CCDC197: variants seen among roughly 807,000 people sequenced by gnomAD.
CCDC197 encodes coiled-coil domain containing 197, also known as uncharacterized protein CCDC197.
A neutral mutation model predicts 13.4 loss-of-function variants in CCDC197; 24 were observed. That is an observed-to-expected ratio of 1.80 (90% CI 1.30 to 2.53). CCDC197 has a LOEUF of 2.53. CCDC197 is among the 30% of genes most tolerant of loss of function. CCDC197 has a pLI of 0.00. For synonymous variants in CCDC197, 99 were observed against 55.5 expected (o/e 1.78, Z -3.48); for missense variants, 255 against 148.8 (o/e 1.71, Z -3.71).
intron 1 of CCDC197, among the ~76,000 whole-genome samples, chr14:93,990,592 G>T (rs1316927526): frequency 2.0e-5 from 3 of 152,206 alleles, no homozygotes; most frequent in Non-Finnish European, 2.9e-5. Context: ...ACTGCCCAAG[G>T]TCAGGTAGTC....
chr14:94,006,356 AT>A (rs34620720), intron 6 of CCDC197, among the ~76,000 whole-genome samples: 35,147 of 142,388 alleles, frequency 0.25, 4,042 homozygotes, highest in East Asian at 0.4. Context: ...GATTATTTGT[AT>A]TTTTTTTTTT....
At chr14:94,004,606 T>C (rs893218439) in intron 5 of CCDC197, among the ~76,000 whole-genome samples, 1 of 152,106 alleles carries the variant, frequency 6.6e-6, no homozygotes, top group African/African-American at 2.4e-5. Flanking sequence ...CCCCGATGCC[T>C]CCAGCCAGGA....
At chr14:94,008,239 G>A (rs1456204574) in intron 6 of CCDC197, among the ~76,000 whole-genome samples, 1 of 152,230 alleles carries the variant, frequency 6.6e-6, no homozygotes, top group Non-Finnish European at 1.5e-5. Flanking sequence ...TAGGCAACAG[G>A]AGATGGAGGC....
intron 1 of CCDC197, among the ~76,000 whole-genome samples, chr14:93,990,848 G>A (rs1325289485): frequency 6.6e-6 from 1 of 152,192 alleles, no homozygotes; most frequent in Non-Finnish European, 1.5e-5. Flanking sequence ...CACTTTCTTT[G>A]GGCTAGATGC....
upstream of CCDC197, among the ~76,000 whole-genome samples, chr14:93,994,080 G>A (rs1890247552): frequency 6.6e-6 from 1 of 152,162 alleles, no homozygotes. Context: ...CGGTGAAGAG[G>A]GGTCTGAGGC....
In CCDC197 at chr14:93,998,169, G is replaced by A; in HGVS notation, c.38G>A (p.Ser13Asn). Residue 13 changes from serine to asparagine, a missense_variant, in exon 2 of 7, where the codon AGC becomes AAC. Coordinates refer to ENST00000636493, the MANE Select transcript of CCDC197 (RefSeq NM_001351596.2). ...AMDTGQRADP[S>N]NPGDKEGDLQ... Reference sequence around the variant, plus strand: ...GACACAGGCCAGAGAGCTGACCCAAGCAATCCTGGTGACAAGGAAGGGGAC... The same window carrying A: ...GACACAGGCCAGAGAGCTGACCCAAACAATCCTGGTGACAAGGAAGGGGAC... The A allele has an allele frequency of 1.3e-6, 1 of 780,814 alleles. No individual in the cohort carries two copies. The highest frequency in any genetic ancestry group is 1.3e-5 in the South Asian group (1 of 74,622). The allele number at this position is 780,814 out of a possible 1,614,324, so 48.4% of individuals were successfully genotyped here. A position where few individuals can be genotyped will look rare whatever the true frequency, so the allele number is the denominator to read the frequency against.
rs183869489 is a variant in CCDC197, at chr14:94,008,483, T to C, written c.616-126T>C. ...TTTACCCAGTGGCATTGATACCACA[T>C]CCTTTGCAGGGCGCTTGTGAGAGTT... On this transcript the variant is annotated intron_variant, in intron 6 of 6. Transcript: ENST00000636493. The C allele has an allele frequency of 2.9e-3, 1,845 of 628,844 alleles. 12 individuals are homozygous for C. The highest frequency in any genetic ancestry group is 2.2e-3 in the Non-Finnish European group (751 of 343,992). 39.0% of individuals were successfully genotyped at this position (628,844 alleles called of 1,614,324 possible). A position where few individuals can be genotyped will look rare whatever the true frequency, so the allele number is the denominator to read the frequency against.
chr14:93,998,817 T>C (rs1890400818), intron 2 of CCDC197, among the ~76,000 whole-genome samples: 1 of 152,162 alleles, frequency 6.6e-6, no homozygotes, highest in African/African-American at 2.4e-5. Context: ...CCTGCACTTT[T>C]CAGAATCATA....
At chr14:93,998,854 A>G (rs1890402266) in intron 2 of CCDC197, among the ~76,000 whole-genome samples, 1 of 152,180 alleles carries the variant, frequency 6.6e-6, no homozygotes, top group Admixed American at 6.5e-5. Context: ...GGCCCAGAGA[A>G]GCAGAGGGGC....
upstream of CCDC197, among the ~76,000 whole-genome samples, chr14:93,992,637 A>G (rs1262647819): frequency 6.6e-6 from 1 of 152,222 alleles, no homozygotes; most frequent in Non-Finnish European, 1.5e-5. Context: ...GCAGGATGTC[A>G]GTGTCATAGA....
chr14:93,999,472 G>A, intron 2 of CCDC197, 111 bp from the exon 3 acceptor site: 2 of 712,662 alleles, frequency 2.8e-6, no homozygotes, highest in Admixed American at 2.0e-5. Flanking sequence ...TACGTGGCCG[G>A]CCCAGTGCAC....
Position 93,998,098 on chromosome 14 carries a change from C to T in CCDC197, c.-34C>T, listed in dbSNP as rs375055269. 84 of 780,126 alleles carry T rather than the reference C, an allele frequency of 1.1e-4. No individual in the cohort carries two copies. In the Middle Eastern group the frequency reaches 1.6e-3, roughly 15 times the overall value. The allele number at this position is 780,126 out of a possible 1,614,324, so 48.3% of individuals were successfully genotyped here. On this transcript the variant is annotated 5_prime_UTR_variant, in exon 2 of 7. Transcript: ENST00000636493. ...TTCATCCTGCCTGACTCACGGGTCTCCTGTCCTCCTGCATAGCTTGCGGTG... is the reference window on the plus strand; with the variant it reads ...TTCATCCTGCCTGACTCACGGGTCTTCTGTCCTCCTGCATAGCTTGCGGTG...
chr14:93,996,365 G>A (rs1890304927), upstream of CCDC197, among the ~76,000 whole-genome samples: 1 of 152,194 alleles, frequency 6.6e-6, no homozygotes, highest in Non-Finnish European at 1.5e-5. Context: ...CTGCCTGCTG[G>A]TAAGGGGTTG....
intron 6 of CCDC197, among the ~76,000 whole-genome samples, chr14:94,006,425 G>A (rs184425532): frequency 9.3e-4 from 140 of 151,128 alleles, no homozygotes; most frequent in African/African-American, 3.0e-3. Flanking sequence ...CTTCTCGCTC[G>A]GCTCACTGCA....
chr14:94,001,356 G>A (rs917389935), intron 4 of CCDC197, 33 bp downstream of exon 4: 1 of 717,006 alleles, frequency 1.4e-6, no homozygotes, highest in Admixed American at 1.9e-5. Context: ...TCCATTCCCC[G>A]TGGCCCAGGG....
chr14:94,004,764 C>T (rs74739355), intron 5 of CCDC197, 91 bp from the exon 6 acceptor site: 7,020 of 665,676 alleles, frequency 0.011, 327 homozygotes, highest in African/African-American at 0.1. Context: ...GCTCTGTCCA[C>T]GACACTTCGC....
intron 1 of CCDC197, among the ~76,000 whole-genome samples, chr14:93,991,683 A>G (rs1020441627): frequency 6.6e-6 from 1 of 152,206 alleles, no homozygotes; most frequent in African/African-American, 2.4e-5. Flanking sequence ...AGAGCCACAC[A>G]GGGGTGAGGT....
chr14:93,996,452 C>A (rs925988131), upstream of CCDC197, among the ~76,000 whole-genome samples: 15 of 149,304 alleles, frequency 1.0e-4, no homozygotes, highest in Non-Finnish European at 1.3e-4. Context: ...AGCCTTTGAT[C>A]CAGATCTTGC....
Position 94,001,368 on chromosome 14 carries a change from G to T in CCDC197, c.366+45G>T, listed in dbSNP as rs1890501310. 4.3e-6 allele frequency: 3 copies of T among 696,462 alleles called. No homozygotes were observed. In the East Asian group the frequency reaches 7.8e-5, roughly 18 times the overall value. 43.1% of individuals were successfully genotyped at this position (696,462 alleles called of 1,614,324 possible). A position where few individuals can be genotyped will look rare whatever the true frequency, so the allele number is the denominator to read the frequency against. On this transcript the variant is annotated intron_variant, in intron 4 of 6. Coordinates refer to ENST00000636493, the MANE Select transcript of CCDC197 (RefSeq NM_001351596.2). ...TGCTCCATTCCCCGTGGCCCAGGGAGCTGGGGGCGTGGGGCCCCCTTTCCT... is the reference window on the plus strand; with the variant it reads ...TGCTCCATTCCCCGTGGCCCAGGGATCTGGGGGCGTGGGGCCCCCTTTCCT...
Sources: allele counts gnomAD v4.1 joint callset (sites outside exome capture counted in the v4.1 genomes callset), GRCh38; gene constraint gnomAD v4.1.1; transcripts MANE v1.5; gene names NCBI Gene and HGNC (gene_info 2026-07-23, HGNC 2026-07-21).